Variants in MARCHF7 observed in about 807,000 individuals in gnomAD.
MARCHF7 encodes the protein E3 ubiquitin-protein ligase MARCHF7.
In MARCHF7, 20 loss-of-function variants were observed where a neutral mutation model predicts 76.5. The observed-to-expected ratio is 0.26, with a 90% CI of 0.18 to 0.38. The LOEUF (loss-of-function observed/expected upper bound fraction) is 0.38, where lower values mean the gene tolerates loss of function less well. Among genes scored for constraint, MARCHF7 ranks in the 10% least tolerant of loss-of-function variants. The pLI, the probability that MARCHF7 is intolerant of heterozygous loss-of-function variation, is 1.00. For synonymous variants in MARCHF7, 295 were observed against 293.0 expected (o/e 1.01, Z -0.07); for missense variants, 797 against 812.9 (o/e 0.98, Z 0.24).
intron 10 of MARCHF7, among the ~76,000 whole-genome samples, chr2:159,764,255 T>TGTGTGTGTGCGCGCGCGC (rs10592175): frequency 4.6e-5 from 6 of 131,364 alleles, no homozygotes; most frequent in East Asian, 2.3e-4. Flanking sequence ...TGTGTGTGTG[T>TGTGTGTGTGCGCGCGCGC]GCGCGCGCCC....
At chr2:159,714,776 T>C (rs1186496513) in intron 2 of MARCHF7, among the ~76,000 whole-genome samples, 178 bp downstream of exon 2, 2 of 152,132 alleles carry the variant, frequency 1.3e-5, no homozygotes, top group South Asian at 2.1e-4. Flanking sequence ...GTGGTGCGGG[T>C]GTAGTGGTGC....
chr2:159,725,293 C>CTTA (rs1702041137), intron 3 of MARCHF7, among the ~76,000 whole-genome samples: 1 of 152,146 alleles, frequency 6.6e-6, no homozygotes, highest in Non-Finnish European at 1.5e-5. Flanking sequence ...GTTTACAGTC[C>CTTA]CACCAACAAT....
rs529215070 is a variant in MARCHF7 at position 159,713,074 on chromosome 2, G to C, written c.-143+468G>C. ...GCAAAGGCGGGCAGGGCTCCGGCTC[G>C]GCCAGCCCGGCCTCGAGTCGAAGTG... On this transcript the variant is annotated intron_variant, in intron 1 of 11. Coordinates refer to ENST00000409175, the MANE Select transcript of MARCHF7 (RefSeq NM_001282805.2). Among the ~76,000 whole-genome samples, 10 of 152,316 alleles carry C rather than the reference G, an allele frequency of 6.6e-5. No individual in the cohort carries two copies. The East Asian group carries it at 1.7e-3, about 27-fold the overall frequency.
chr2:159,764,255 T>TGTGTGTGTGTGTGCGC (rs10592175), intron 10 of MARCHF7, among the ~76,000 whole-genome samples: 104 of 131,472 alleles, frequency 7.9e-4, no homozygotes, highest in African/African-American at 2.9e-3. Context: ...TGTGTGTGTG[T>TGTGTGTGTGTGTGCGC]GCGCGCGCCC....
chr2:159,719,686 T>C (rs965911476), intron 3 of MARCHF7, among the ~76,000 whole-genome samples: 4 of 152,176 alleles, frequency 2.6e-5, no homozygotes, highest in African/African-American at 9.7e-5. Flanking sequence ...AGTTTGCTTG[T>C]TTGTTGACAT....
intron 8 of MARCHF7, among the ~76,000 whole-genome samples, chr2:159,757,077 T>A (rs1706423105): frequency 6.6e-6 from 1 of 152,086 alleles, no homozygotes; most frequent in Non-Finnish European, 1.5e-5. Flanking sequence ...GTATTTTTAG[T>A]AGAGATGGAG....
chr2:159,744,566 G>A (rs554093765), intron 5 of MARCHF7, among the ~76,000 whole-genome samples: 1 of 152,342 alleles, frequency 6.6e-6, no homozygotes, highest in African/African-American at 2.4e-5. Flanking sequence ...TGACACAATT[G>A]GAGGTAAAAT....
At chr2:159,764,255 T>TGTGCGTGTGTGCGC (rs10592175) in intron 10 of MARCHF7, among the ~76,000 whole-genome samples, 1 of 131,370 alleles carries the variant, frequency 7.6e-6, no homozygotes, top group African/African-American at 3.0e-5. Context: ...TGTGTGTGTG[T>TGTGCGTGTGTGCGC]GCGCGCGCCC....
intron 4 of MARCHF7, chr2:159,733,370 T>G (rs1249025122): frequency 2.2e-6 from 1 of 453,992 alleles, no homozygotes; most frequent in Non-Finnish European, 2.9e-6. Flanking sequence ...CCTGAGTAGC[T>G]TGAGAATACA....
chr2:159,737,269 A>C (rs970970856), intron 4 of MARCHF7, among the ~76,000 whole-genome samples: 3 of 152,258 alleles, frequency 2.0e-5, no homozygotes, highest in African/African-American at 7.2e-5. Context: ...CAAAGTATAT[A>C]TCTTACTGGA....
At chr2:159,732,382 ACAAT>A (rs897603099) in intron 4 of MARCHF7, among the ~76,000 whole-genome samples, 1 of 152,308 alleles carries the variant, frequency 6.6e-6, no homozygotes, top group Non-Finnish European at 1.5e-5. Context: ...TAAGTTGCTT[ACAAT>A]CAGTTTTTTA....
intron 1 of MARCHF7, 128 bp from the exon 2 acceptor site, chr2:159,714,429 T>C (rs1700801524): frequency 6.6e-6 from 1 of 152,100 alleles, no homozygotes; most frequent in Non-Finnish European, 1.5e-5. Flanking sequence ...TGTGGGAGCA[T>C]AGGGGAGGGG....
chr2:159,724,765 G>C (rs1364391490), intron 3 of MARCHF7, among the ~76,000 whole-genome samples: 1 of 152,108 alleles, frequency 6.6e-6, no homozygotes, highest in East Asian at 1.9e-4. Context: ...CATGTGCCAT[G>C]TTGGTGTGCT....
chr2:159,764,050 G>A (rs949183673), intron 10 of MARCHF7, among the ~76,000 whole-genome samples: 3 of 152,066 alleles, frequency 2.0e-5, no homozygotes, highest in African/African-American at 7.2e-5. Flanking sequence ...AAGAACTTCT[G>A]AATTCATGTG....
At chr2:159,718,445 T>C (rs1329920928) in intron 3 of MARCHF7, among the ~76,000 whole-genome samples, 2 of 152,146 alleles carry the variant, frequency 1.3e-5, no homozygotes, top group Admixed American at 1.3e-4. Flanking sequence ...TTTGTTAGAC[T>C]GGTTATTTTA....
chr2:159,745,747 A>G (rs59109898), intron 5 of MARCHF7, 23 bp from the exon 6 acceptor site: 591,615 of 1,554,094 alleles, frequency 0.38, 119,946 homozygotes, highest in Admixed American at 0.53. Context: ...TCTCTGAAAT[A>G]AAACTTCTTC....
At chr2:159,719,547 C>T (rs1701402085) in intron 3 of MARCHF7, among the ~76,000 whole-genome samples, 1 of 152,162 alleles carries the variant, frequency 6.6e-6, no homozygotes, top group Admixed American at 6.5e-5. Flanking sequence ...GACTTTGGGT[C>T]CTCATCCTTG....
rs750697944 is a variant in MARCHF7, at chr2:159,764,644, AC to A, written c.2027del (p.Thr676IlefsTer33). On this transcript the variant is annotated frameshift_variant, in exon 11 of 12. Transcript: ENST00000409175. LOFTEE classifies it high-confidence loss of function. Reference protein sequence around the residue: ...TRVRFINLARTLQAHMEDLET... With the variant: ...TRVRFINLARXLQAHMEDLET... ...TTTCTAGTTTATTAACCTTGCAAGA[AC>A]TCTTCAGGCACATATGGAAGATCTC... 6.2e-7 allele frequency: 1 copy of A among 1,603,376 alleles called. No individual in the cohort carries two copies. Among genetic ancestry groups the A allele is most frequent in the South Asian group, 1.1e-5 (1 of 89,366 alleles).
chr2:159,742,193 AT>A (rs1220315574), intron 4 of MARCHF7, among the ~76,000 whole-genome samples: 7 of 152,246 alleles, frequency 4.6e-5, no homozygotes, highest in African/African-American at 1.7e-4. Flanking sequence ...ATGTTTTAAA[AT>A]ATGTACTTGT....
Sources: gnomAD v4.1 joint callset for allele counts (sites outside exome capture counted in the v4.1 genomes callset) on GRCh38, gnomAD v4.1.1 for gene constraint, MANE v1.5 for transcripts, NCBI Gene and HGNC (gene_info 2026-07-23, HGNC 2026-07-21) for gene names.